HTR2B: variants seen among roughly 807,000 people sequenced by gnomAD.
HTR2B encodes the protein 5-hydroxytryptamine receptor 2B, also known as 5-HT 2B receptor.
In HTR2B, 31 loss-of-function variants were observed where a neutral mutation model predicts 39.8. The observed-to-expected ratio is 0.78, with a 90% CI of 0.58 to 1.05. The LOEUF is 1.05. Among genes scored for constraint, HTR2B ranks in the 50% least tolerant of loss-of-function variants. HTR2B has a pLI of 0.00. For synonymous variants in HTR2B, 210 were observed against 207.1 expected, an observed-to-expected ratio of 1.01 and a Z score of -0.12; for missense variants, 562 against 578.0, an observed-to-expected ratio of 0.97 and a Z score of 0.28.
chr2:231,108,717 AGATC>A lies in HTR2B; in HGVS notation c.1242_1245del (p.Lys414AsnfsTer32). The A allele has an allele frequency of 6.2e-7, 1 of 1,614,120 alleles. No homozygotes were observed. Among genetic ancestry groups the A allele is most frequent in the Non-Finnish European group, 8.5e-7 (1 of 1,179,976 alleles). On this transcript the variant is annotated frameshift_variant, in exon 4 of 4. Transcript: ENST00000258400. LOFTEE classifies it high-confidence loss of function. ...TTCTCTGCCATTGGATTCCGGAAGT[AGATC>A]TTACTGGAGCGTTTTCTGAGAGTTT...
chr2:231,123,970 G>A lies in HTR2B; in HGVS notation c.-206C>T. ...CCATGTTTGTAGGTAAGATATCCAAGTATTTATTATTTTCTAGAGGCTTAA... is the reference window on the plus strand; with the variant it reads ...CCATGTTTGTAGGTAAGATATCCAAATATTTATTATTTTCTAGAGGCTTAA... On this transcript the variant is annotated 5_prime_UTR_variant, in exon 2 of 4. Coordinates refer to ENST00000258400, the MANE Select transcript of HTR2B (RefSeq NM_000867.5). The A allele has an allele frequency of 1.8e-6, 1 of 555,350 alleles. No individual in the cohort carries two copies. 34.4% of individuals were successfully genotyped at this position (555,350 alleles called of 1,614,324 possible). A position where few individuals can be genotyped will look rare whatever the true frequency, so the allele number is the denominator to read the frequency against.
chr2:231,110,319 C>CAAAA (rs908257461), intron 3 of HTR2B, among the ~76,000 whole-genome samples: 1 of 150,968 alleles, frequency 6.6e-6, no homozygotes, highest in East Asian at 1.9e-4. Flanking sequence ...GACTCTGTCT[C>CAAAA]AAAAAAAAAG....
chr2:231,121,938 C>T (rs912412837), intron 2 of HTR2B, among the ~76,000 whole-genome samples: 6 of 152,042 alleles, frequency 3.9e-5, no homozygotes, highest in African/African-American at 1.2e-4. Flanking sequence ...CTATTATGCA[C>T]ATGGAGATGA....
chr2:231,108,998 G>T lies in HTR2B; in HGVS notation c.965C>A (p.Ala322Asp). 6.2e-7 allele frequency: 1 copy of T among 1,614,156 alleles called. No individual in the cohort carries two copies. The highest frequency in any genetic ancestry group is 8.5e-7 in the Non-Finnish European group (1 of 1,180,020). The change falls in exon 4 of 4, where the codon GCC (alanine) becomes GAC (aspartate). Residue 322 changes from alanine to aspartate, a missense_variant. By Grantham distance (126) the Ala-to-Asp change is moderately radical (BLOSUM62 -2). Coordinates refer to ENST00000258400, the MANE Select transcript of HTR2B (RefSeq NM_000867.5). ...SVQTISNEQRASKVLGIVFFL... is the reference protein window; with the variant it reads ...SVQTISNEQRDSKVLGIVFFL... ...AAACACAATCCCTAGGACCTTTGAGGCTCTCTGTTCGTTGGAAATGGTCTG... is the reference window on the plus strand; with the variant it reads ...AAACACAATCCCTAGGACCTTTGAGTCTCTCTGTTCGTTGGAAATGGTCTG...
chr2:231,120,339 A>G (rs1204401356), intron 2 of HTR2B, among the ~76,000 whole-genome samples: 4 of 152,166 alleles, frequency 2.6e-5, no homozygotes, highest in East Asian at 1.9e-4. Context: ...TTTTTATATC[A>G]GCATAAGGTG....
chr2:231,121,315 C>T (rs111744347), intron 2 of HTR2B, among the ~76,000 whole-genome samples: 3 of 152,180 alleles, frequency 2.0e-5, no homozygotes, highest in African/African-American at 7.2e-5. Flanking sequence ...ATCACTTGAA[C>T]CCAGGAGTTT....
chr2:231,116,128 T>A (rs1208987415), intron 2 of HTR2B, among the ~76,000 whole-genome samples: 1 of 152,182 alleles, frequency 6.6e-6, no homozygotes. Flanking sequence ...TTCTCACTCT[T>A]AGCCATAGCA....
chr2:231,116,925 A>G (rs1273028029), intron 2 of HTR2B, among the ~76,000 whole-genome samples: 1 of 152,108 alleles, frequency 6.6e-6, no homozygotes, highest in Non-Finnish European at 1.5e-5. Flanking sequence ...TAAAAGAAAA[A>G]GATAACTGCA....
At chr2:231,118,637 A>G (rs1241551668) in intron 2 of HTR2B, among the ~76,000 whole-genome samples, 1 of 152,116 alleles carries the variant, frequency 6.6e-6, no homozygotes, top group Admixed American at 6.5e-5. Flanking sequence ...GAGGAGTTTT[A>G]CTAGAAACCC....
rs139381111 is a variant in HTR2B, at chr2:231,109,342, A to T, written c.621T>A (p.Cys207Ter). Residue 207 changes from cysteine (C) to a stop codon, truncating the protein, a stop_gained, in exon 4 of 4, where the codon TGT becomes TGA. Transcript: ENST00000258400. LOFTEE classifies it high-confidence loss of function. ...TDVDNPNNIT[C>*]VLTKERFGDF... ...CGCCAAAACGTTCCTTTGTCAGCAC[A>T]CAAGTGATATTGTTTGGGTTGTCCA... 1.2e-4 allele frequency: 191 copies of T among 1,613,990 alleles called. No homozygotes were observed. The highest frequency in any genetic ancestry group is 1.6e-4 in the Non-Finnish European group (185 of 1,179,990).
At position 231,109,196 on chromosome 2, in the gene HTR2B, G is replaced by A. The variant is rs759508310; in HGVS notation, c.767C>T (p.Pro256Leu). 6.2e-7 allele frequency: 1 copy of A among 1,614,202 alleles called. No individual in the cohort carries two copies. Among genetic ancestry groups the A allele is most frequent in the Admixed American group, 1.7e-5 (1 of 60,014 alleles). Residue 256 changes from proline (P) to leucine (L), a missense_variant, in exon 4 of 4, where the codon CCT (proline) becomes CTT (leucine). Transcript: ENST00000258400. Reference protein sequence around the residue: ...KKAYLVKNKPPQRLTWLTVST... With the variant: ...KKAYLVKNKPLQRLTWLTVST... Reference sequence around the variant, plus strand: ...CACAGTCAACCATGTTAGGCGTTGAGGTGGCTTGTTTTTGACTAAGTAAGC... The same window carrying A: ...CACAGTCAACCATGTTAGGCGTTGAAGTGGCTTGTTTTTGACTAAGTAAGC...
intron 2 of HTR2B, among the ~76,000 whole-genome samples, chr2:231,123,070 A>G (rs1247739676): frequency 1.3e-5 from 2 of 152,174 alleles, no homozygotes; most frequent in Admixed American, 6.5e-5. Context: ...TGAGGAAAAA[A>G]AGTATCAGTG....
intron 2 of HTR2B, among the ~76,000 whole-genome samples, chr2:231,118,660 A>G (rs1383770747): frequency 6.6e-6 from 1 of 152,160 alleles, no homozygotes; most frequent in African/African-American, 2.4e-5. Context: ...TATCTTGATG[A>G]GGCAGACTTA....
Position 231,123,796 on chromosome 2 carries a change from G to A in HTR2B, c.-32C>T, listed in dbSNP as rs568312484. On this transcript the variant is annotated 5_prime_UTR_variant, in exon 2 of 4. Coordinates refer to ENST00000258400, the MANE Select transcript of HTR2B (RefSeq NM_000867.5). ...TTTTTCTGTGATTCAATCCCGTTCC[G>A]AACAGTGGTCAGCATGGTTAGTAGC... The A allele has an allele frequency of 6.9e-5, 103 of 1,498,844 alleles. No homozygotes were observed. In the East Asian group the frequency reaches 1.4e-3, roughly 21 times the overall value. 92.8% of individuals were successfully genotyped at this position (1,498,844 alleles called of 1,614,324 possible). A position where few individuals can be genotyped will look rare whatever the true frequency, so the allele number is the denominator to read the frequency against.
Position 231,108,635 on chromosome 2 carries a change from T to C in HTR2B, c.1328A>G (p.Gln443Arg). The change falls in exon 4 of 4, where the codon CAG becomes CGG. Residue 443 changes from glutamine to arginine, a missense_variant. Gln to Arg is a conservative substitution (Grantham distance 43). Coordinates refer to ENST00000258400, the MANE Select transcript of HTR2B (RefSeq NM_000867.5). ...IRNGINPAMY[Q>R]SPMRLRSSTI... ...TGAACTTCGGAGCCTCATTGGACTC[T>C]GGTACATGGCAGGGTTAATCCCATT... 1 of 1,614,114 alleles carries C rather than the reference T, an allele frequency of 6.2e-7. No homozygotes were observed. The highest frequency in any genetic ancestry group is 8.5e-7 in the Non-Finnish European group (1 of 1,179,982).
At chr2:231,113,966 A>G in intron 2 of HTR2B, 37 bp from the exon 3 acceptor site, 4 of 1,555,766 alleles carry the variant, frequency 2.6e-6, no homozygotes, top group Non-Finnish European at 3.5e-6. Context: ...ATTTTATTCT[A>G]TAAAATGGCA....
intron 2 of HTR2B, among the ~76,000 whole-genome samples, chr2:231,118,576 TG>T (rs1363056422): frequency 6.6e-6 from 1 of 152,182 alleles, no homozygotes; most frequent in Non-Finnish European, 1.5e-5. Flanking sequence ...TTTGTTGGTT[TG>T]GGTATTTTTT....
rs376296365 is a variant in HTR2B at position 231,113,853 on chromosome 2, G to T, written c.429C>A (p.Ile143=). The T allele has an allele frequency of 1.2e-6, 2 of 1,614,030 alleles. No individual in the cohort carries two copies. The highest frequency in any genetic ancestry group is 1.7e-5 in the Admixed American group (1 of 60,002). ...CCACTGAAATGGCACAGAGATGCAT[G>T]ATGGATGCGGTTGAAAAGAGAACGT... ...FLDVLFSTAS[I]MHLCAISVDR... Residue 143 remains isoleucine, a synonymous_variant, in exon 3 of 4, where the codon ATC becomes ATA. Transcript: ENST00000258400.
At chr2:231,117,079 C>G (rs1695368088) in intron 2 of HTR2B, among the ~76,000 whole-genome samples, 1 of 151,950 alleles carries the variant, frequency 6.6e-6, no homozygotes. Flanking sequence ...TTTTCCTAGT[C>G]TAGAGACTTT....
Sources: gnomAD v4.1 joint callset for allele counts (sites outside exome capture counted in the v4.1 genomes callset) on GRCh38, gnomAD v4.1.1 for gene constraint, MANE v1.5 for transcripts, NCBI Gene and HGNC (gene_info 2026-07-23, HGNC 2026-07-21) for gene names.